The following FRMD1 variants were observed in gnomAD, a reference collection of about 807,000 sequenced individuals.
FRMD1 encodes the protein FERM domain containing 1.
FRMD1 carries 51 observed loss-of-function variants against 54.9 expected under a neutral mutation model. That is an observed-to-expected ratio of 0.93 (90% CI 0.74 to 1.17). The LOEUF is 1.17. FRMD1 is among the 50% of genes most tolerant of loss of function. The pLI, the probability that FRMD1 is intolerant of heterozygous loss-of-function variation, is 0.00. For missense variants in FRMD1, 729 were observed against 743.0 expected (o/e 0.98, Z 0.22); for synonymous variants, 324 against 306.4 (o/e 1.06, Z -0.60).
rs763029141 is a variant in FRMD1 at position 168,078,951 on chromosome 6, C to A, written c.144G>T (p.Ala48=). Residue 48 remains alanine, a synonymous_variant, in exon 1 of 11, where the codon GCG becomes GCT. Coordinates refer to ENST00000283309, the MANE Select transcript of FRMD1 (RefSeq NM_024919.6). ...GGACATCCCTGTGTTCCGAGGCCAT[C>A]GCGTCCATTCCCAGGGTCGGCTCCT... ...SQQEPTLGMD[A]MASEHRDVLV... The A allele has an allele frequency of 1.9e-6, 3 of 1,610,664 alleles. No homozygotes were observed. The highest frequency in any genetic ancestry group is 2.5e-6 in the Non-Finnish European group (3 of 1,179,824).
intron 4 of FRMD1, chr6:168,066,331 T>C: frequency 1.8e-6 from 1 of 569,954 alleles, no homozygotes; most frequent in East Asian, 1.4e-4. Context: ...AAACCCCGTC[T>C]CTACTGAAAA....
intron 1 of FRMD1, among the ~76,000 whole-genome samples, chr6:168,090,653 G>A (rs1019382845): frequency 2.6e-5 from 4 of 152,252 alleles, no homozygotes; most frequent in African/African-American, 4.8e-5. Flanking sequence ...CTCCCTGGAA[G>A]GAAAGTTCTG....
chr6:168,076,627 C>T (rs1284348107), intron 1 of FRMD1, among the ~76,000 whole-genome samples: 1 of 152,216 alleles, frequency 6.6e-6, no homozygotes, highest in African/African-American at 2.4e-5. Context: ...TGTAAGTTTC[C>T]TGAGGCCTCC....
chr6:168,065,511 C>T (rs1001978034), intron 4 of FRMD1: 19 of 991,098 alleles, frequency 1.9e-5, no homozygotes, highest in African/African-American at 1.6e-4. Flanking sequence ...AATCACAGGC[C>T]AGGTGGAGGC....
chr6:168,057,319 C>G lies in FRMD1; in HGVS notation c.1428G>C (p.Gly476=), dbSNP rs749850307. The change falls in exon 11 of 11, where the codon GGG becomes GGC. Residue 476 remains glycine, a synonymous_variant. Coordinates refer to ENST00000283309, the MANE Select transcript of FRMD1 (RefSeq NM_024919.6). ...AVHQIQEMTA[G]VSEEQHSHGL... The stretch of plus-strand genomic sequence containing the variant: ...CATGGCTGTGCTGCTCCTCACTGAC[C>G]CCGGCTGTCATTTCCTGGATCTGCG... The G allele has an allele frequency of 4.3e-6, 7 of 1,611,356 alleles. No individual in the cohort carries two copies. In the Admixed American group the frequency reaches 1.2e-4, roughly 27 times the overall value.
intron 2 of FRMD1, among the ~76,000 whole-genome samples, chr6:168,068,628 G>C (rs2114989369): frequency 1.3e-5 from 2 of 152,324 alleles, no homozygotes; most frequent in Middle Eastern, 3.4e-3. Flanking sequence ...TGTTCAACAT[G>C]AGGTTAGTTA....
intron 1 of FRMD1, among the ~76,000 whole-genome samples, chr6:168,091,808 C>T (rs1028181846): frequency 7.2e-5 from 11 of 152,228 alleles, no homozygotes; most frequent in African/African-American, 2.2e-4. Context: ...AGAAACAAAA[C>T]GGCCTCTGTT....
chr6:168,065,889 G>T, intron 4 of FRMD1: 3 of 1,000,238 alleles, frequency 3.0e-6, no homozygotes, highest in Non-Finnish European at 3.6e-6. Flanking sequence ...GGTAAACCCT[G>T]TTCACGCACC....
At chr6:168,074,876 C>G (rs10945464) in intron 2 of FRMD1, among the ~76,000 whole-genome samples, 131,318 of 149,514 alleles carry the variant, frequency 0.88, 57,473 homozygotes, top group Middle Eastern at 0.9. Context: ...GTGTACATGT[C>G]AGTGGTGCGT....
Position 168,056,869 on chromosome 6 carries a change from G to T in FRMD1, c.*228C>A. The stretch of plus-strand genomic sequence containing the variant: ...TGGCTCCCTGAGACCCTGAGGGAAA[G>T]AGCTCCCGGGTGTATGGCAGACAGG... On this transcript the variant is annotated 3_prime_UTR_variant, in exon 11 of 11. Coordinates refer to ENST00000283309, the MANE Select transcript of FRMD1 (RefSeq NM_024919.6). 2.4e-6 allele frequency: 1 copy of T among 415,818 alleles called. No homozygotes were observed. The highest frequency in any genetic ancestry group is 4.1e-6 in the Non-Finnish European group (1 of 242,268). 25.8% of individuals were successfully genotyped at this position (415,818 alleles called of 1,614,324 possible). A position where few individuals can be genotyped will look rare whatever the true frequency, so the allele number is the denominator to read the frequency against.
At chr6:168,067,316 G>T in intron 3 of FRMD1, 51 bp downstream of exon 3, 1 of 1,235,780 alleles carries the variant, frequency 8.1e-7, no homozygotes, top group Non-Finnish European at 1.2e-6. Context: ...CCGTGGCCCA[G>T]CACAGCCCAC....
chr6:168,066,064 G>C, intron 4 of FRMD1: 4 of 999,282 alleles, frequency 4.0e-6, no homozygotes, highest in Non-Finnish European at 4.8e-6. Flanking sequence ...CTTCCCACTA[G>C]ACACCTGCAG....
At position 168,059,408 on chromosome 6, in the gene FRMD1, T is replaced by C. The variant is rs1799599901; in HGVS notation, c.1343-220A>G. On this transcript the variant is annotated intron_variant, in intron 9 of 10. Coordinates refer to ENST00000283309, the MANE Select transcript of FRMD1 (RefSeq NM_024919.6). This position sits in a 1 kb window ranked among gnomAD's most constrained non-coding sequence, Gnocchi z 4.4. ...TGCAGATGCGGGATTAGCACGGTGA[T>C]TCCCGCTGGGTTACAGGCCACAGAG... is the stretch of plus-strand genomic sequence containing the variant. Among the ~76,000 whole-genome samples the C allele has an allele frequency of 6.6e-6, 1 of 152,184 alleles. No individual in the cohort carries two copies. Among genetic ancestry groups the C allele is most frequent in the South Asian group, 2.1e-4 (1 of 4,832 alleles).
At chr6:168,075,110 G>A in intron 2 of FRMD1, 135 bp downstream of exon 2, 2 of 720,808 alleles carry the variant, frequency 2.8e-6, no homozygotes, top group Non-Finnish European at 2.5e-6. Flanking sequence ...CATTGTGCAT[G>A]GTGTGTGCAT....
chr6:168,065,170 G>A, intron 4 of FRMD1, 113 bp from the exon 5 acceptor site: 1 of 1,444,870 alleles, frequency 6.9e-7, no homozygotes, highest in East Asian at 2.5e-5. Flanking sequence ...TGAGCCCCTG[G>A]TACCTAGTTC....
intron 4 of FRMD1, chr6:168,065,380 C>T (rs1334563274): frequency 1.3e-5 from 14 of 1,098,974 alleles, no homozygotes; most frequent in South Asian, 7.7e-5. Flanking sequence ...GCACAGAGCC[C>T]GGGCGACTCG....
chr6:168,090,430 C>T (rs1800997272), intron 1 of FRMD1, among the ~76,000 whole-genome samples: 1 of 152,196 alleles, frequency 6.6e-6, no homozygotes, highest in South Asian at 2.1e-4. Flanking sequence ...TGTAGCCACC[C>T]TAGCCCCTTG....
rs1050339046 is a variant in FRMD1, at chr6:168,075,278, C to A, written c.271G>T (p.Asp91Tyr). The A allele has an allele frequency of 1.2e-6, 2 of 1,613,676 alleles. No individual in the cohort carries two copies. The highest frequency in any genetic ancestry group is 1.7e-5 in the Admixed American group (1 of 60,004). Residue 91 changes from aspartate to tyrosine, a missense_variant, in exon 2 of 11, where the codon GAC (aspartate) becomes TAC (tyrosine). By Grantham distance (160) the Asp-to-Tyr change is radical (BLOSUM62 -3). Coordinates refer to ENST00000283309, the MANE Select transcript of FRMD1 (RefSeq NM_024919.6). ...ACACAGAGGCCAAAGAACTGCGCGT[C>A]TCTGATGCTCGCCACGTTGCACACT... ...QQVCNVASIR[D>Y]AQFFGLCVVR...
chr6:168,063,063 C>G (rs971169448), intron 6 of FRMD1, 104 bp from the exon 7 acceptor site: 1 of 926,730 alleles, frequency 1.1e-6, no homozygotes, highest in African/African-American at 1.6e-5. Flanking sequence ...CTCCATGGAC[C>G]AGGCTGAGCT....
Sources: gnomAD v4.1 joint callset for allele counts (sites outside exome capture counted in the v4.1 genomes callset) on GRCh38, gnomAD v4.1.1 for gene constraint, Gnocchi (gnomAD v3.1) non-coding constraint, MANE v1.5 for transcripts, NCBI Gene and HGNC (gene_info 2026-07-23, HGNC 2026-07-21) for gene names.